Variants in MID1 observed in about 807,000 individuals in gnomAD.
The protein encoded by MID1 is midline 1.
MID1 carries 7 observed loss-of-function variants against 40.4 expected under a neutral mutation model. That is an observed-to-expected ratio of 0.17 (90% CI 0.10 to 0.33). The LOEUF (loss-of-function observed/expected upper bound fraction) is 0.33. Ranked by LOEUF, MID1 falls within the 10% of genes least tolerant of loss-of-function variation. The probability of loss-of-function intolerance (pLI) is 1.00; values close to 1 mark genes in which losing one functional copy is unlikely to be tolerated. For synonymous variants in MID1, 229 were observed against 221.2 expected (o/e 1.04, Z -0.31); for missense variants, 367 against 558.5 (o/e 0.66, Z 3.46).
chrX:10,522,400 T>C (rs1413485792), intron 3 of MID1, among the ~76,000 whole-genome samples: 1 of 112,530 alleles, frequency 8.9e-6, no homozygotes, highest in Non-Finnish European at 1.9e-5. Flanking sequence ...AAAATCTTGA[T>C]TTCAGACTTC....
intron 1 of MID1, among the ~76,000 whole-genome samples, chrX:10,580,757 C>G (rs1934991737): frequency 9.2e-6 from 1 of 109,168 alleles, no homozygotes; most frequent in African/African-American, 3.3e-5. Flanking sequence ...ACTTCCTGAT[C>G]AGTCCTTTCT....
intron 1 of MID1, among the ~76,000 whole-genome samples, chrX:10,785,188 C>G (rs956909229): frequency 9.0e-6 from 1 of 110,859 alleles, no homozygotes; most frequent in Non-Finnish European, 1.9e-5. Flanking sequence ...AAACAGAGAG[C>G]CAAATCATGA....
chrX:10,460,328 A>G (rs1928952031), intron 7 of MID1, among the ~76,000 whole-genome samples: 1 of 111,014 alleles, frequency 9.0e-6, no homozygotes, highest in Admixed American at 9.6e-5. Context: ...GCCAACCCCA[A>G]CCGACCTCCA....
chrX:10,709,687 T>C (rs1039150113), intron 1 of MID1, among the ~76,000 whole-genome samples: 10 of 112,392 alleles, frequency 8.9e-5, no homozygotes, highest in Non-Finnish European at 1.3e-4. Context: ...TCACATGCTG[T>C]TTATTAACTA....
chrX:10,691,750 C>T (rs1367963835), intron 1 of MID1, among the ~76,000 whole-genome samples: 1 of 112,030 alleles, frequency 8.9e-6, no homozygotes, highest in Non-Finnish European at 1.9e-5. Flanking sequence ...GTCTGGCTGC[C>T]TGCAGGGTCA....
intron 1 of MID1, among the ~76,000 whole-genome samples, chrX:10,684,325 CGCTT>C (rs3081830): frequency 0.018 from 1,992 of 109,533 alleles, 58 homozygotes; most frequent in African/African-American, 0.06. Context: ...TAAATTGTGC[CGCTT>C]GCTTGCTTGC....
intron 1 of MID1, among the ~76,000 whole-genome samples, chrX:10,652,534 C>G (rs1379501149): frequency 8.9e-6 from 1 of 111,777 alleles, no homozygotes; most frequent in East Asian, 2.8e-4. Context: ...CCCCTGCACT[C>G]CTTCCCAGCC....
chrX:10,494,868 T>C (rs2147320284), intron 4 of MID1, among the ~76,000 whole-genome samples: 1 of 110,738 alleles, frequency 9.0e-6, no homozygotes, highest in Non-Finnish European at 1.9e-5. Flanking sequence ...TCATAAGTAT[T>C]TCAATAAAAA....
intron 7 of MID1, among the ~76,000 whole-genome samples, chrX:10,464,284 A>G (rs992553184): frequency 1.8e-5 from 2 of 112,166 alleles, no homozygotes; most frequent in African/African-American, 6.5e-5. Context: ...TGCATCATCT[A>G]TTCTATTAAT....
intron 1 of MID1, among the ~76,000 whole-genome samples, chrX:10,710,158 G>C (rs761981192): frequency 1.8e-5 from 2 of 111,261 alleles, no homozygotes; most frequent in Non-Finnish European, 3.8e-5. Flanking sequence ...AGAATTCCTA[G>C]GGCAGGAAAT....
chrX:10,636,803 T>TAG (rs1936121437), intron 1 of MID1, among the ~76,000 whole-genome samples: 1 of 88,168 alleles, frequency 1.1e-5, no homozygotes, highest in South Asian at 5.8e-4. Flanking sequence ...TATATATATA[T>TAG]ATATATATAT....
intron 1 of MID1, among the ~76,000 whole-genome samples, chrX:10,697,443 C>A (rs767846803): frequency 9.0e-6 from 1 of 111,207 alleles, no homozygotes; most frequent in African/African-American, 3.3e-5. Context: ...GAATTGTCTC[C>A]GAATTAGCAG....
intron 4 of MID1, among the ~76,000 whole-genome samples, chrX:10,486,004 C>T (rs1470016743): frequency 1.8e-5 from 2 of 111,785 alleles, no homozygotes; most frequent in Admixed American, 9.5e-5. Context: ...CTGAATTTAG[C>T]TCTTTGTGTG....
At chrX:10,469,360 T>G (rs1164601245) in intron 7 of MID1, 1 of 948,030 alleles carries the variant, frequency 1.1e-6, no homozygotes, top group Non-Finnish European at 1.3e-6. Context: ...CTTTAAGTTA[T>G]GAACCTATAT....
upstream of MID1, among the ~76,000 whole-genome samples, chrX:10,622,495 C>T (rs1935945858): frequency 1.8e-5 from 2 of 111,963 alleles, no homozygotes; most frequent in South Asian, 7.5e-4. Flanking sequence ...GTGATTTCCC[C>T]AAATGCCCCA....
chrX:10,700,414 T>C (rs1011204339), intron 1 of MID1, among the ~76,000 whole-genome samples: 19 of 110,438 alleles, frequency 1.7e-4, no homozygotes, highest in African/African-American at 4.6e-4. Flanking sequence ...TAGCCGGCCA[T>C]GGTGGCATGC....
intron 1 of MID1, among the ~76,000 whole-genome samples, chrX:10,602,582 G>T (rs963957680): frequency 4.5e-5 from 5 of 111,807 alleles, no homozygotes; most frequent in African/African-American, 1.6e-4. Context: ...GTGGCCCTTT[G>T]TGACTGGCTT....
At chrX:10,570,477 A>AT (rs934072083) in intron 1 of MID1, among the ~76,000 whole-genome samples, 1 of 112,207 alleles carries the variant, frequency 8.9e-6, no homozygotes, top group African/African-American at 3.2e-5. Flanking sequence ...GAAAGCAGAG[A>AT]TTTTGCTTTG....
chrX:10,736,536 T>C (rs1036303953), intron 1 of MID1, among the ~76,000 whole-genome samples: 1 of 112,205 alleles, frequency 8.9e-6, no homozygotes, highest in African/African-American at 3.2e-5. Flanking sequence ...GGGAGTGTTA[T>C]TTTCAAGGTC....
Sources: allele counts gnomAD v4.1 joint callset (sites outside exome capture counted in the v4.1 genomes callset), GRCh38; gene constraint gnomAD v4.1.1; transcripts MANE v1.5; gene names NCBI Gene and HGNC (gene_info 2026-07-23, HGNC 2026-07-21).